PCDHGB1: variants seen among roughly 807,000 people sequenced by gnomAD.
The protein encoded by PCDHGB1 is protocadherin gamma-B1.
A neutral mutation model predicts 56.6 loss-of-function variants in PCDHGB1; 34 were observed. The observed-to-expected ratio is 0.60, with a 90% confidence interval of 0.46 to 0.80. The LOEUF (loss-of-function observed/expected upper bound fraction) is 0.80, where lower values mean the gene tolerates loss of function less well. Among genes scored for constraint, PCDHGB1 ranks in the 30% least tolerant of loss-of-function variants. The pLI, the probability that PCDHGB1 is intolerant of heterozygous loss-of-function variation, is 0.00. For missense variants in PCDHGB1, 1,278 were observed against 1,204.6 expected (o/e 1.06, Z -0.90); for synonymous variants, 561 against 505.9 (o/e 1.11, Z -1.46).
chr5:141,453,926 T>C (rs1274875429), intron 1 of PCDHGB1, among the ~76,000 whole-genome samples: 1 of 152,256 alleles, frequency 6.6e-6, no homozygotes, highest in Non-Finnish European at 1.5e-5. Flanking sequence ...GATCAGTCAC[T>C]GTGTGCCTAT....
chr5:141,510,995 G>T lies in PCDHGB1; in HGVS notation c.2606G>T (p.Gly869Val). ...STLGGGAGTM[G>V]LSARYGPQFT... is the part of the protein sequence containing the mutation. ...CTGGGAGGGGGTGCCGGCACCATGG[G>T]ATTGAGCGCCCGCTACGGACCCCAG... is the stretch of plus-strand genomic sequence containing the variant. Residue 869 changes from glycine to valine, a missense_variant, in exon 4 of 4, where the codon GGA becomes GTA. Physicochemically the swap from Gly to Val is moderately radical, Grantham distance 109. Coordinates refer to ENST00000523390, the MANE Select transcript of PCDHGB1 (RefSeq NM_018922.3). The T allele has an allele frequency of 6.2e-7, 1 of 1,614,172 alleles. No individual in the cohort carries two copies. Among genetic ancestry groups the T allele is most frequent in the Non-Finnish European group, 8.5e-7 (1 of 1,180,018 alleles).
chr5:141,371,651 T>C, intron 1 of PCDHGB1: 1 of 1,613,998 alleles, frequency 6.2e-7, no homozygotes, highest in Admixed American at 1.7e-5. Flanking sequence ...CAGAATACAA[T>C]GTGACGATCA....
intron 1 of PCDHGB1, chr5:141,478,834 A>G: frequency 7.0e-7 from 1 of 1,427,896 alleles, no homozygotes; most frequent in Non-Finnish European, 9.2e-7. Context: ...TTGCTAAGGG[A>G]TGGTTAAGCT....
intron 2 of PCDHGB1, among the ~76,000 whole-genome samples, chr5:141,500,176 A>G (rs922155744): frequency 1.4e-5 from 2 of 145,916 alleles, no homozygotes; most frequent in Admixed American, 1.4e-4. Flanking sequence ...CATGAGCTTC[A>G]TTTTTATTTT....
Position 141,489,361 on chromosome 5 carries a change from C to A in PCDHGB1, c.2410-5446C>A. ...TTACTCAGTGGTGGAGGAGTCTGAG[C>A]CGGGGACGCTGGTGGGGAATGTTGC... On this transcript the variant is annotated intron_variant, in intron 1 of 3. Transcript: ENST00000523390. This position sits in a 1 kb window ranked among gnomAD's most constrained non-coding sequence, Gnocchi z 4.5. 1 of 1,612,880 alleles carries A rather than the reference C, an allele frequency of 6.2e-7. No individual in the cohort carries two copies. The highest frequency in any genetic ancestry group is 8.5e-7 in the Non-Finnish European group (1 of 1,179,164).
chr5:141,415,967 C>A, intron 1 of PCDHGB1: 1 of 389,100 alleles, frequency 2.6e-6, no homozygotes, highest in Non-Finnish European at 4.2e-6. Context: ...AACTCCAGCC[C>A]CTTAAGCAAC....
At chr5:141,451,077 C>T (rs1422196268) in intron 1 of PCDHGB1, among the ~76,000 whole-genome samples, 1 of 152,098 alleles carries the variant, frequency 6.6e-6, no homozygotes, top group Admixed American at 6.6e-5. Context: ...ATCCACCCAC[C>T]TTGACCTCCC....
chr5:141,433,328 G>A (rs965877578), intron 1 of PCDHGB1: 3 of 724,464 alleles, frequency 4.1e-6, no homozygotes, highest in African/African-American at 3.6e-5. Context: ...GGTGTAACAG[G>A]GACTACAGGT....
At chr5:141,360,039 CAG>C in intron 1 of PCDHGB1, 1 of 1,415,286 alleles carries the variant, frequency 7.1e-7, no homozygotes, top group Non-Finnish European at 9.3e-7. Context: ...GATTCGGAAA[CAG>C]AAAACAAAAG....
At chr5:141,387,089 G>A (rs1034064461) in intron 1 of PCDHGB1, among the ~76,000 whole-genome samples, 1 of 152,162 alleles carries the variant, frequency 6.6e-6, no homozygotes, top group Non-Finnish European at 1.5e-5. Flanking sequence ...TGTGATCATC[G>A]AAATGAGAAT....
intron 1 of PCDHGB1, 134 bp from the exon 2 acceptor site, chr5:141,494,673 C>A: frequency 6.5e-7 from 1 of 1,542,992 alleles, no homozygotes; most frequent in South Asian, 1.2e-5. Flanking sequence ...GATGAGTCCA[C>A]CCCTGCCCCC....
intron 1 of PCDHGB1, among the ~76,000 whole-genome samples, chr5:141,402,210 TTAAAA>T (rs1240114840): frequency 6.6e-6 from 1 of 152,008 alleles, no homozygotes; most frequent in African/African-American, 2.4e-5. Context: ...ATACAAAAAT[TTAAAA>T]TAAACGTTTT....
chr5:141,404,736 A>G, intron 1 of PCDHGB1: 1 of 1,613,622 alleles, frequency 6.2e-7, no homozygotes, highest in Non-Finnish European at 8.5e-7. Context: ...GTGGCAGTGG[A>G]CAGAGACTCA....
At chr5:141,427,856 C>T (rs1487451079) in intron 1 of PCDHGB1, 6 of 1,553,060 alleles carry the variant, frequency 3.9e-6, no homozygotes, top group Non-Finnish European at 5.3e-6. Flanking sequence ...AGCAGCTGTG[C>T]GCCTTCGAGC....
chr5:141,396,911 T>C (rs756096789), intron 1 of PCDHGB1, among the ~76,000 whole-genome samples: 3 of 152,238 alleles, frequency 2.0e-5, no homozygotes, highest in Non-Finnish European at 4.4e-5. Context: ...CACTTTGCAA[T>C]TTTAAAAACT....
intron 1 of PCDHGB1, among the ~76,000 whole-genome samples, chr5:141,483,644 G>GTGTT (rs919432945): frequency 6.8e-6 from 1 of 146,522 alleles, no homozygotes; most frequent in Non-Finnish European, 1.5e-5. Flanking sequence ...AGAGGGGTGT[G>GTGTT]TGTTTGTGTG....
At position 141,393,000 on chromosome 5, in the gene PCDHGB1, G is replaced by A. The variant is rs772046833; in HGVS notation, c.2409+40331G>A. The stretch of plus-strand genomic sequence containing the variant: ...GGACCCCCGGAAGCTGGCGAAGCAC[G>A]GAGTCCGTATCGTCTCCAGAGGTAG... On this transcript the variant is annotated intron_variant, in intron 1 of 3. Transcript: ENST00000523390. The A allele has an allele frequency of 2.5e-6, 4 of 1,613,856 alleles. No individual in the cohort carries two copies. In the South Asian group the frequency reaches 4.4e-5, roughly 18 times the overall value.
chr5:141,375,151 T>G, intron 1 of PCDHGB1: 2 of 1,613,962 alleles, frequency 1.2e-6, no homozygotes, highest in Non-Finnish European at 1.7e-6. Context: ...GCAGAACAAT[T>G]GCTGAAAGTG....
intron 1 of PCDHGB1, chr5:141,400,199 C>G (rs1561675523): frequency 2.5e-6 from 4 of 1,614,048 alleles, no homozygotes; most frequent in Admixed American, 1.7e-5. Flanking sequence ...CTAGTGGTGG[C>G]CTTGGCCTTG....
Sources: allele counts gnomAD v4.1 joint callset (sites outside exome capture counted in the v4.1 genomes callset), GRCh38; gene constraint gnomAD v4.1.1; non-coding constraint Gnocchi (gnomAD v3.1); transcripts MANE v1.5; gene names NCBI Gene and HGNC (gene_info 2026-07-23, HGNC 2026-07-21).